Variants in ZC3H7B observed in about 807,000 individuals in gnomAD.
ZC3H7B encodes zinc finger CCCH-type containing 7B, also known as zinc finger CCCH domain-containing protein 7B.
A neutral mutation model predicts 116.0 loss-of-function variants in ZC3H7B; 35 were observed. The observed-to-expected ratio is 0.30, with a 90% CI of 0.23 to 0.40. The LOEUF is 0.40. ZC3H7B is among the 10% of genes least tolerant of loss of function. The pLI, the probability that ZC3H7B is intolerant of heterozygous loss-of-function variation, is 1.00. For synonymous variants in ZC3H7B, 502 were observed against 545.6 expected (o/e 0.92, Z 1.11); for missense variants, 1,011 against 1,321.5 (o/e 0.77, Z 3.64).
chr22:41,327,471 TC>T lies in ZC3H7B; in HGVS notation c.444+111del. On this transcript the variant is annotated intron_variant, in intron 5 of 22. Coordinates refer to ENST00000352645, the MANE Select transcript of ZC3H7B (RefSeq NM_017590.6). The surrounding 1 kb of genome is among the most constrained non-coding windows in gnomAD (Gnocchi z 4.5). ...CCACATCCTTCTGTGTCTCACTTCC[TC>T]CCCTGTGACATGGCCATGCAGATCC... 1.4e-6 allele frequency: 2 copies of T among 1,436,172 alleles called. No individual in the cohort carries two copies. The highest frequency in any genetic ancestry group is 1.3e-5 in the South Asian group (1 of 77,692). 89.0% of individuals were successfully genotyped at this position (1,436,172 alleles called of 1,614,324 possible).
In ZC3H7B at chr22:41,327,406, C is replaced by T. The variant is rs761377972; in HGVS notation, c.444+42C>T. ...AGCCACGCCGGTGCCTGCTCAGAGG[C>T]CAGGCTTCTGACCTTCCGGCCCTCA... On this transcript the variant is annotated intron_variant, in intron 5 of 22. Coordinates refer to ENST00000352645, the MANE Select transcript of ZC3H7B (RefSeq NM_017590.6). This position sits in a 1 kb window ranked among gnomAD's most constrained non-coding sequence, Gnocchi z 4.5. 1.3e-6 allele frequency: 2 copies of T among 1,596,124 alleles called. No individual in the cohort carries two copies. Among genetic ancestry groups the T allele is most frequent in the East Asian group, 2.2e-5 (1 of 44,760 alleles).
At chr22:41,341,243 T>C in intron 11 of ZC3H7B, 97 bp downstream of exon 11, 1 of 1,443,140 alleles carries the variant, frequency 6.9e-7, no homozygotes. Flanking sequence ...GGTAAGGCAC[T>C]GCATTCCCCA....
chr22:41,316,293 ATT>A (rs1242446099), intron 1 of ZC3H7B, among the ~76,000 whole-genome samples: 1 of 113,224 alleles, frequency 8.8e-6, no homozygotes. Flanking sequence ...ATGCCTGGCC[ATT>A]TTTTTTTTTT....
chr22:41,322,580 G>GCCT (rs1348945463), intron 2 of ZC3H7B, among the ~76,000 whole-genome samples: 1 of 152,066 alleles, frequency 6.6e-6, no homozygotes, highest in Non-Finnish European at 1.5e-5. Flanking sequence ...ATCCTCAGAG[G>GCCT]CATAATTATC....
intron 1 of ZC3H7B, among the ~76,000 whole-genome samples, chr22:41,309,524 A>G (rs976551134): frequency 1.3e-5 from 2 of 151,058 alleles, no homozygotes. Flanking sequence ...CATGTTGGCC[A>G]GGCTGGTCTT....
chr22:41,344,598 C>T (rs1471538880), intron 13 of ZC3H7B, among the ~76,000 whole-genome samples: 1 of 152,200 alleles, frequency 6.6e-6, no homozygotes, highest in African/African-American at 2.4e-5. Context: ...ATCACCCCCA[C>T]TCCCACCCAG....
At position 41,327,773 on chromosome 22, in the gene ZC3H7B, T is replaced by C. The variant is rs1213329729; in HGVS notation, c.444+409T>C. Among the ~76,000 whole-genome samples, 2 of 151,554 alleles carry C rather than the reference T, an allele frequency of 1.3e-5. No individual in the cohort carries two copies. Among genetic ancestry groups the C allele is most frequent in the Non-Finnish European group, 2.9e-5 (2 of 67,954 alleles). ...CCCCATCTCTACAAAAAATACAAAA[T>C]TTAGCCGGGCATGATGGCGTGTGCC... On this transcript the variant is annotated intron_variant, in intron 5 of 22. Coordinates refer to ENST00000352645, the MANE Select transcript of ZC3H7B (RefSeq NM_017590.6). This position sits in a 1 kb window ranked among gnomAD's most constrained non-coding sequence, Gnocchi z 4.5.
At chr22:41,308,496 A>G (rs760719645) in intron 1 of ZC3H7B, among the ~76,000 whole-genome samples, 1 of 152,108 alleles carries the variant, frequency 6.6e-6, no homozygotes, top group Non-Finnish European at 1.5e-5. Context: ...CAGGGGTTGT[A>G]GTTATGATCA....
chr22:41,355,380 G>A, intron 17 of ZC3H7B, 89 bp from the exon 18 acceptor site: 1 of 1,538,512 alleles, frequency 6.5e-7, no homozygotes. Context: ...TTATTCCAAG[G>A]CTCTCCCAGA....
In ZC3H7B at chr22:41,342,508, GCCT is replaced by G; in HGVS notation, c.1198-17_1198-15del. ...CAGCCATCATCCAGTGCCCACAATG[GCCT>G]CCTTCCTCCTGTCACAGCCAGAGCC... is the stretch of plus-strand genomic sequence containing the variant. On this transcript the variant is annotated intron_variant, in intron 11 of 22. Coordinates refer to ENST00000352645, the MANE Select transcript of ZC3H7B (RefSeq NM_017590.6). The G allele has an allele frequency of 6.2e-7, 1 of 1,610,934 alleles. No homozygotes were observed. The highest frequency in any genetic ancestry group is 8.5e-7 in the Non-Finnish European group (1 of 1,179,308).
intron 2 of ZC3H7B, among the ~76,000 whole-genome samples, chr22:41,321,441 C>T (rs2036255223): frequency 6.6e-6 from 1 of 152,082 alleles, no homozygotes; most frequent in Non-Finnish European, 1.5e-5. Flanking sequence ...CCTTGAACTC[C>T]TGGCCTCAGG....
At chr22:41,320,819 GCCAAGGCT>G in intron 2 of ZC3H7B, 106 bp downstream of exon 2, 1 of 1,513,112 alleles carries the variant, frequency 6.6e-7, no homozygotes, top group Non-Finnish European at 9.1e-7. Context: ...AGCCTTTGCT[GCCAAGGCT>G]CCTGTGTGCG....
rs1287124807 is a variant in ZC3H7B, at chr22:41,357,107, C to T, written c.2682-70C>T. ...CTTGTCTTCGGGGAGGTCAAGCGGC[C>T]GGCCCCAGATGGACAGCCTGGGGTG... is the stretch of plus-strand genomic sequence containing the variant. On this transcript the variant is annotated intron_variant, in intron 22 of 22. Coordinates refer to ENST00000352645, the MANE Select transcript of ZC3H7B (RefSeq NM_017590.6). This position sits in a 1 kb window ranked among gnomAD's most constrained non-coding sequence, Gnocchi z 5.4. The T allele has an allele frequency of 4.3e-5, 67 of 1,573,564 alleles. No homozygotes were observed. In the South Asian group the frequency reaches 5.4e-4, roughly 13 times the overall value.
At chr22:41,355,436 G>A in intron 17 of ZC3H7B, 33 bp from the exon 18 acceptor site, 1 of 1,611,880 alleles carries the variant, frequency 6.2e-7, no homozygotes, top group Non-Finnish European at 8.5e-7. Context: ...GGTGCCTGCA[G>A]CTTCACCAAC....
At chr22:41,316,778 G>A (rs1455179931) in intron 1 of ZC3H7B, among the ~76,000 whole-genome samples, 2 of 151,864 alleles carry the variant, frequency 1.3e-5, no homozygotes, top group East Asian at 1.9e-4. Context: ...AGGTTCAAGC[G>A]ATTCTCCTGC....
intron 10 of ZC3H7B, 31 bp downstream of exon 10, chr22:41,340,168 C>T: frequency 6.4e-7 from 1 of 1,565,366 alleles, no homozygotes; most frequent in Admixed American, 1.7e-5. Flanking sequence ...GTTCAACCTC[C>T]CTGGACAGGT....
At chr22:41,313,955 A>C (rs1232237555) in intron 1 of ZC3H7B, among the ~76,000 whole-genome samples, 1 of 149,472 alleles carries the variant, frequency 6.7e-6, no homozygotes. Context: ...GGTTTTCACT[A>C]TGTTGGCCAG....
In ZC3H7B at chr22:41,338,410, G is replaced by A; in HGVS notation, c.625+55G>A. 3 of 1,587,286 alleles carry A rather than the reference G, an allele frequency of 1.9e-6. No homozygotes were observed. In the South Asian group the frequency reaches 3.4e-5, roughly 18 times the overall value. ...GAAATTGGGGCCCCGAGAGGTCAGG[G>A]GAGTCGAGCCCCCTCCCCATCCCAG... On this transcript the variant is annotated intron_variant, in intron 8 of 22. Transcript: ENST00000352645. This position sits in a 1 kb window ranked among gnomAD's most constrained non-coding sequence, Gnocchi z 4.5.
chr22:41,346,349 G>A lies in ZC3H7B; in HGVS notation c.1665+141G>A. 1.1e-6 allele frequency: 1 copy of A among 872,796 alleles called. No individual in the cohort carries two copies. Among genetic ancestry groups the A allele is most frequent in the Non-Finnish European group, 1.8e-6 (1 of 569,200 alleles). 54.1% of individuals were successfully genotyped at this position (872,796 alleles called of 1,614,324 possible). ...CCTGGTCTTAGAACCAGTAGGTCCT[G>A]GAGGGTCAGTAAGTCTGGGCCCTAG... On this transcript the variant is annotated intron_variant, in intron 14 of 22. Coordinates refer to ENST00000352645, the MANE Select transcript of ZC3H7B (RefSeq NM_017590.6). The surrounding 1 kb of genome is among the most constrained non-coding windows in gnomAD (Gnocchi z 5.3).
Sources: allele counts gnomAD v4.1 joint callset (sites outside exome capture counted in the v4.1 genomes callset), GRCh38; gene constraint gnomAD v4.1.1; non-coding constraint Gnocchi (gnomAD v3.1); transcripts MANE v1.5; gene names NCBI Gene and HGNC (gene_info 2026-07-23, HGNC 2026-07-21).